AGMO: variants seen among roughly 807,000 people sequenced by gnomAD.
AGMO encodes glyceryl-ether monooxygenase.
Under a neutral mutation model 60.2 loss-of-function variants are expected in AGMO, and 75 were observed. That is an observed-to-expected ratio of 1.25 (90% CI 1.03 to 1.51). The LOEUF is 1.51. Ranked by LOEUF, AGMO falls within the 40% of genes most tolerant of loss-of-function variation. The pLI is 0.00. For synonymous variants in AGMO, 261 were observed against 177.1 expected (o/e 1.47, Z -3.76); for missense variants, 763 against 525.5 (o/e 1.45, Z -4.42).
intron 3 of AGMO, among the ~76,000 whole-genome samples, chr7:15,480,381 G>A (rs1269141582): frequency 6.6e-6 from 1 of 152,076 alleles, no homozygotes; most frequent in African/African-American, 2.4e-5. Context: ...CAATGAAGGA[G>A]TAAAAATGGG....
At chr7:15,461,473 T>A (rs1415960844) in intron 3 of AGMO, among the ~76,000 whole-genome samples, 1 of 75,948 alleles carries the variant, frequency 1.3e-5, no homozygotes, top group Non-Finnish European at 3.1e-5. Context: ...TAAAGAACTT[T>A]AGTGAAAAAC....
At chr7:15,425,383 G>T (rs1045086210) in intron 4 of AGMO, among the ~76,000 whole-genome samples, 1 of 151,356 alleles carries the variant, frequency 6.6e-6, no homozygotes, top group African/African-American at 2.4e-5. Context: ...TGTTATTAAT[G>T]AGATTTTCAT....
At chr7:15,355,231 G>T (rs996139611) in intron 12 of AGMO, among the ~76,000 whole-genome samples, 4 of 152,130 alleles carry the variant, frequency 2.6e-5, no homozygotes, top group African/African-American at 9.6e-5. Context: ...GGCTGGGCAC[G>T]GTGGCTCACG....
Position 15,390,870 on chromosome 7 carries a change from C to G in AGMO, c.712G>C (p.Gly238Arg). 6.2e-7 allele frequency: 1 copy of G among 1,604,174 alleles called. No homozygotes were observed. The highest frequency in any genetic ancestry group is 8.5e-7 in the Non-Finnish European group (1 of 1,174,696). The change falls in exon 7 of 13, where the codon GGT becomes CGT. Residue 238 changes from glycine (G) to arginine (R), a missense_variant. Coordinates refer to ENST00000342526, the MANE Select transcript of AGMO (RefSeq NM_001004320.2). Reference protein sequence around the residue: ...NRYCIDKNYAGVLIIWDKIFG... With the variant: ...NRYCIDKNYARVLIIWDKIFG... ...ATTTTATCCCAAATAATAAGAACAC[C>G]AGCATAATTTTTGTCTATGCAATAA...
intron 12 of AGMO, among the ~76,000 whole-genome samples, chr7:15,352,863 G>A (rs1198100268): frequency 1.3e-5 from 2 of 152,028 alleles, no homozygotes; most frequent in African/African-American, 4.8e-5. Flanking sequence ...AAATTAGAAC[G>A]TGTATGTGTT....
chr7:15,223,047 G>A (rs983674853), intron 12 of AGMO, among the ~76,000 whole-genome samples: 2 of 151,890 alleles, frequency 1.3e-5, no homozygotes, highest in African/African-American at 4.8e-5. Flanking sequence ...CAACAATGAA[G>A]CATTTCATGT....
At chr7:15,314,269 T>C (rs989389616) in intron 12 of AGMO, among the ~76,000 whole-genome samples, 1 of 152,158 alleles carries the variant, frequency 6.6e-6, no homozygotes, top group African/African-American at 2.4e-5. Flanking sequence ...GAATTTTTCA[T>C]TTAATATTTT....
Position 15,461,616 on chromosome 7 carries a change from G to A in AGMO, c.410-30508C>T, listed in dbSNP as rs143872622. 7.8e-4 allele frequency among the ~76,000 whole-genome samples: 119 copies of A among 152,184 alleles called. 2 individuals carry two copies. In the Middle Eastern group the frequency reaches 0.031, roughly 39 times the overall value. The stretch of plus-strand genomic sequence containing the variant: ...ATCAAATCTTCCTGCAGAGACACCC[G>A]ATCTGCTGGTCTCTCTAGAATGAGC... On this transcript the variant is annotated intron_variant, in intron 3 of 12. Transcript: ENST00000342526.
intron 2 of AGMO, among the ~76,000 whole-genome samples, chr7:15,547,426 G>C (rs1784811954): frequency 6.6e-6 from 1 of 152,066 alleles, no homozygotes; most frequent in Non-Finnish European, 1.5e-5. Context: ...TCACTAGGGA[G>C]TGCCAGACAG....
At chr7:15,117,595 G>C in the AGMO span, among the ~76,000 whole-genome samples, 1 of 151,878 alleles carries the variant, frequency 6.6e-6, no homozygotes, top group Non-Finnish European at 1.5e-5. Context: ...TTGGGTGATG[G>C]GTACACAAGA....
chr7:15,551,554 A>C (rs1395479257), intron 2 of AGMO, among the ~76,000 whole-genome samples: 1 of 150,982 alleles, frequency 6.6e-6, no homozygotes, highest in East Asian at 1.9e-4. Context: ...ATCATGAGTG[A>C]ACTCCCATTC....
In AGMO at chr7:15,531,040, A is replaced by G. The variant is rs866944032; in HGVS notation, c.409+13732T>C. 8.8e-4 allele frequency among the ~76,000 whole-genome samples: 7 copies of G among 7,924 alleles called. 1 individual carries two copies. Among genetic ancestry groups the G allele is most frequent in the South Asian group, 2.1e-3 (1 of 476 alleles). The allele number at this position is 7,924 out of a possible 152,430, so 5.2% of individuals were successfully genotyped here. ...ATTCTATATATTCCATATATATTCT[A>G]TATATATTCTATATATATTCTGTAT... On this transcript the variant is annotated intron_variant, in intron 3 of 12. Transcript: ENST00000342526.
chr7:15,402,318 CTCTTCT>C (rs149568906), intron 5 of AGMO, among the ~76,000 whole-genome samples: 1 of 151,426 alleles, frequency 6.6e-6, no homozygotes, highest in African/African-American at 2.4e-5. Flanking sequence ...CTTTTTCTCT[CTCTTCT>C]TCTTCTCTTT....
the AGMO span, among the ~76,000 whole-genome samples, chr7:15,165,511 G>A: frequency 6.6e-6 from 1 of 152,064 alleles, no homozygotes; most frequent in African/African-American, 2.4e-5. Context: ...AAAACAATAA[G>A]CCTTATGTTT....
At chr7:15,285,185 T>G (rs1265257450) in intron 12 of AGMO, among the ~76,000 whole-genome samples, 1 of 151,486 alleles carries the variant, frequency 6.6e-6, no homozygotes, top group African/African-American at 2.4e-5. Flanking sequence ...AGATGTCCAC[T>G]TTCACTACTT....
the AGMO span, among the ~76,000 whole-genome samples, chr7:15,172,969 G>T: frequency 6.6e-6 from 1 of 152,008 alleles, no homozygotes; most frequent in Non-Finnish European, 1.5e-5. Flanking sequence ...TCAAAGATAA[G>T]GGCTTCTCAA....
At chr7:15,368,824 A>G (rs1783089158) in intron 10 of AGMO, among the ~76,000 whole-genome samples, 1 of 152,148 alleles carries the variant, frequency 6.6e-6, no homozygotes, top group African/African-American at 2.4e-5. Context: ...TGATCCCTGG[A>G]CAATACAAAT....
chr7:15,253,547 G>A (rs1212958132), intron 12 of AGMO, among the ~76,000 whole-genome samples: 1 of 151,924 alleles, frequency 6.6e-6, no homozygotes, highest in Non-Finnish European at 1.5e-5. Flanking sequence ...GAGTCAGGAT[G>A]GTATTACATC....
At chr7:15,542,095 C>G (rs1057066103) in intron 3 of AGMO, among the ~76,000 whole-genome samples, 3 of 151,616 alleles carry the variant, frequency 2.0e-5, no homozygotes, top group African/African-American at 7.3e-5. Flanking sequence ...TTTTTTAGCC[C>G]TGTGTGTGTC....
Sources: gnomAD v4.1 joint callset for allele counts (sites outside exome capture counted in the v4.1 genomes callset) on GRCh38, gnomAD v4.1.1 for gene constraint, MANE v1.5 for transcripts, NCBI Gene and HGNC (gene_info 2026-07-23, HGNC 2026-07-21) for gene names.